Variants in FGF14 observed in about 807,000 individuals in gnomAD.
The protein encoded by FGF14 is fibroblast growth factor homologous factor 4.
FGF14 carries 5 observed loss-of-function variants against 25.5 expected under a neutral mutation model. That is an observed-to-expected ratio of 0.20 (90% CI 0.10 to 0.41). The LOEUF (loss-of-function observed/expected upper bound fraction) is 0.41, where lower values mean the gene tolerates loss of function less well. FGF14 is among the 10% of genes least tolerant of loss of function. The pLI is 1.00. For synonymous variants in FGF14, 138 were observed against 118.3 expected (o/e 1.17, Z -1.08); for missense variants, 222 against 320.1 (o/e 0.69, Z 2.34).
At chr13:102,159,249 T>C (rs1474733109) in intron 1 of FGF14, among the ~76,000 whole-genome samples, 1 of 152,000 alleles carries the variant, frequency 6.6e-6, no homozygotes, top group East Asian at 1.9e-4. Context: ...ATGTAATCAT[T>C]AGTGATATGA....
At chr13:102,147,882 T>A (rs942569770) in intron 1 of FGF14, among the ~76,000 whole-genome samples, 2 of 152,216 alleles carry the variant, frequency 1.3e-5, no homozygotes, top group African/African-American at 4.8e-5. Context: ...CTGTGCAGGT[T>A]TTAGTTTATT....
At position 101,714,731 on chromosome 13, in the gene FGF14, AGG is replaced by A. The variant is rs1047752431; in HGVS notation, c.*8098_*8099del. The A allele has an allele frequency of 3.9e-5, 23 of 582,418 alleles. No individual in the cohort carries two copies. Among genetic ancestry groups the A allele is most frequent in the Non-Finnish European group, 6.4e-5 (21 of 326,238 alleles). 36.1% of individuals were successfully genotyped at this position (582,418 alleles called of 1,614,324 possible). A position where few individuals can be genotyped will look rare whatever the true frequency, so the allele number is the denominator to read the frequency against. Reference sequence around the variant, plus strand: ...CTCACAAAAGCCTCACATTATTCCTAGGCATAGAAGAATACAAGAGAATGAAG... The same window carrying A: ...CTCACAAAAGCCTCACATTATTCCTACATAGAAGAATACAAGAGAATGAAG... On this transcript the variant is annotated 3_prime_UTR_variant, in exon 5 of 5. Transcript: ENST00000376143.
chr13:102,271,514 ATAT>A lies in FGF14; in HGVS notation c.208+129954_208+129956del, dbSNP rs561674111. Among the ~76,000 whole-genome samples, 57 of 152,196 alleles carry A rather than the reference ATAT, an allele frequency of 3.7e-4. No homozygotes were observed. In the East Asian group the frequency reaches 9.7e-3, roughly 26 times the overall value. ...CATCATCAATGGAAGCTAAAATCAA[ATAT>A]TATTTCTCCCACGAATTCTTTTGGA... On this transcript the variant is annotated intron_variant, in intron 1 of 4. Coordinates refer to the FGF14 transcript ENST00000376131.
Position 101,932,853 on chromosome 13 carries a change from C to T in FGF14, c.209-57557G>A, listed in dbSNP as rs1237122642. On this transcript the variant is annotated intron_variant, in intron 1 of 4. Coordinates refer to the FGF14 transcript ENST00000376131. ...AGATATATTTGGCTTTAGTGTTTAA[C>T]ACGGTGGACAAGTTTAGAAAGATAA... 2.1e-4 allele frequency among the ~76,000 whole-genome samples: 31 copies of T among 149,046 alleles called. 1 individual carries two copies. The highest frequency in any genetic ancestry group is 2.1e-3 in the Admixed American group (31 of 14,972).
At chr13:102,211,409 T>C (rs1336697) in intron 1 of FGF14, among the ~76,000 whole-genome samples, 119,598 of 151,886 alleles carry the variant, frequency 0.79, 47,259 homozygotes, top group East Asian at 0.84. Context: ...TCCCCTCATC[T>C]TAGTCAGAAT....
intron 1 of FGF14, among the ~76,000 whole-genome samples, chr13:101,924,400 C>G (rs1378806366): frequency 2.0e-5 from 3 of 152,226 alleles, no homozygotes; most frequent in South Asian, 4.2e-4. Flanking sequence ...TGCCAAAACA[C>G]ACAACTAAAT....
chr13:102,084,826 G>C lies in FGF14; in HGVS notation c.209-209530C>G, dbSNP rs1003144881. Among the ~76,000 whole-genome samples the C allele has an allele frequency of 9.2e-5, 14 of 152,284 alleles. No homozygotes were observed. The East Asian group carries it at 2.7e-3, about 29-fold the overall frequency. ...AATTTTCTCATAAACGTGGTAGATG[G>C]AGTGCTTTGTTAAGTGAAATAATTG... On this transcript the variant is annotated intron_variant, in intron 1 of 4. Transcript: ENST00000376131.
chr13:102,184,110 C>G (rs1423535051), intron 1 of FGF14, among the ~76,000 whole-genome samples: 2 of 152,066 alleles, frequency 1.3e-5, no homozygotes, highest in Non-Finnish European at 2.9e-5. Flanking sequence ...GTAATGGAGC[C>G]CCTGCTGTAC....
At chr13:101,927,637 T>C (rs1038320269) in intron 1 of FGF14, among the ~76,000 whole-genome samples, 1 of 152,220 alleles carries the variant, frequency 6.6e-6, no homozygotes, top group African/African-American at 2.4e-5. Context: ...CTCTTTGTCA[T>C]AGGTTTCATT....
chr13:102,060,142 T>C (rs2042614158), intron 1 of FGF14, among the ~76,000 whole-genome samples: 2 of 149,528 alleles, frequency 1.3e-5, no homozygotes, highest in South Asian at 2.1e-4. Flanking sequence ...GTAAGTATAA[T>C]ATGATGCAAA....
At chr13:102,353,821 T>G (rs1173207369) in intron 1 of FGF14, among the ~76,000 whole-genome samples, 3 of 152,228 alleles carry the variant, frequency 2.0e-5, no homozygotes, top group Non-Finnish European at 4.4e-5. Flanking sequence ...AAAATCCTTC[T>G]GTGGCTTCCA....
chr13:102,164,412 C>A (rs893862951), intron 1 of FGF14, among the ~76,000 whole-genome samples: 1 of 152,096 alleles, frequency 6.6e-6, no homozygotes, highest in African/African-American at 2.4e-5. Flanking sequence ...GACCTTGCGA[C>A]CATGCCAGGA....
chr13:102,206,533 T>C (rs1283811797), intron 1 of FGF14, among the ~76,000 whole-genome samples: 1 of 151,890 alleles, frequency 6.6e-6, no homozygotes, highest in Non-Finnish European at 1.5e-5. Flanking sequence ...AATACAAAAT[T>C]AGCCAGGCAT....
rs897224355 is a variant in FGF14, at chr13:102,191,123, C to T, written c.208+210348G>A. ...CTAGTAGGGCTTGTCTTTACTTGAC[C>T]GGACTCAGAGATAACTCCTTGTAAA... On this transcript the variant is annotated intron_variant, in intron 1 of 4. Transcript: ENST00000376131. 7.9e-5 allele frequency among the ~76,000 whole-genome samples: 12 copies of T among 152,250 alleles called. No homozygotes were observed. The South Asian group carries it at 8.3e-4, about 11-fold the overall frequency.
intron 1 of FGF14, among the ~76,000 whole-genome samples, chr13:102,278,384 C>T (rs769245982): frequency 4.6e-5 from 7 of 152,222 alleles, no homozygotes; most frequent in African/African-American, 1.4e-4. Context: ...TCAAGCTAAG[C>T]GCAAACAATA....
chr13:101,879,337 AAT>A (rs2045573183), intron 1 of FGF14, among the ~76,000 whole-genome samples: 1 of 152,234 alleles, frequency 6.6e-6, no homozygotes, highest in Non-Finnish European at 1.5e-5. Context: ...AATGAAAACT[AAT>A]GTGCATACAT....
chr13:102,132,508 T>C (rs1209843557), intron 1 of FGF14, among the ~76,000 whole-genome samples: 1 of 105,824 alleles, frequency 9.4e-6, no homozygotes, highest in Non-Finnish European at 2.0e-5. Flanking sequence ...CTTTTCTTTC[T>C]TTCTTTCTTT....
chr13:101,812,744 C>A (rs1228143020), intron 3 of FGF14, among the ~76,000 whole-genome samples: 1 of 141,180 alleles, frequency 7.1e-6, no homozygotes, highest in Non-Finnish European at 1.5e-5. Flanking sequence ...CCCACTGCAA[C>A]CTCTGCCTCC....
chr13:102,004,273 C>T (rs1283011182), intron 1 of FGF14, among the ~76,000 whole-genome samples: 2 of 152,060 alleles, frequency 1.3e-5, no homozygotes, highest in Admixed American at 6.5e-5. Flanking sequence ...TCTGCTAGTT[C>T]GATTACATTT....
Sources: gnomAD v4.1 joint callset for allele counts (sites outside exome capture counted in the v4.1 genomes callset) on GRCh38, gnomAD v4.1.1 for gene constraint, MANE v1.5 for transcripts, NCBI Gene and HGNC (gene_info 2026-07-23, HGNC 2026-07-21) for gene names.